CCL22: variants seen among roughly 807,000 people sequenced by gnomAD.
The protein encoded by CCL22 is C-C motif chemokine ligand 22, also known as C-C motif chemokine 22.
A neutral mutation model predicts 7.6 loss-of-function variants in CCL22; 7 were observed. The observed-to-expected ratio is 0.92, with a 90% CI of 0.52 to 1.72. CCL22 has a LOEUF of 1.72. Ranked by LOEUF, CCL22 falls within the 40% of genes most tolerant of loss-of-function variation. The pLI is 0.00. For missense variants in CCL22, 115 were observed against 124.7 expected (o/e 0.92, Z 0.37); for synonymous variants, 55 against 47.2 (o/e 1.17, Z -0.68).
Position 57,363,485 on chromosome 16 carries a change from TG to T in CCL22, c.198-15del. On this transcript the variant is annotated intron_variant, in intron 2 of 2. Coordinates refer to ENST00000219235, the MANE Select transcript of CCL22 (RefSeq NM_002990.5). ...CGTGCTAATGTTGCTGCATTGTCTC[TG>T]GGGTCTCCTTCTTCCAGGTTGCTAA... The T allele has an allele frequency of 6.4e-7, 1 of 1,572,214 alleles. No individual in the cohort carries two copies. The highest frequency in any genetic ancestry group is 8.8e-7 in the Non-Finnish European group (1 of 1,142,286).
Position 57,364,478 on chromosome 16 carries a change from CTT to C in CCL22, c.*906_*907del, listed in dbSNP as rs11405534. The C allele has an allele frequency of 1.0e-4, 14 of 133,346 alleles. No homozygotes were observed. The highest frequency in any genetic ancestry group is 1.6e-4 in the African/African-American group (6 of 36,818). 8.3% of individuals were successfully genotyped at this position (133,346 alleles called of 1,614,324 possible). A position where few individuals can be genotyped will look rare whatever the true frequency, so the allele number is the denominator to read the frequency against. On this transcript the variant is annotated 3_prime_UTR_variant, in exon 3 of 3. Coordinates refer to ENST00000219235, the MANE Select transcript of CCL22 (RefSeq NM_002990.5). ...AGATTCACCTTTCTTCCCCCACTCCCTTTTTTTTTTTTTTTTTGAGATGGAGT... is the reference window on the plus strand; with the variant it reads ...AGATTCACCTTTCTTCCCCCACTCCCTTTTTTTTTTTTTTTGAGATGGAGT...
Position 57,363,660 on chromosome 16 carries a change from A to T in CCL22, c.*72A>T. ...AGGAGCCCTACCTCCCTGCCATTAT[A>T]GCTGCTCCCCGCCAGAAGCCTGTGC... On this transcript the variant is annotated 3_prime_UTR_variant, in exon 3 of 3. Transcript: ENST00000219235. The T allele has an allele frequency of 1.1e-6, 1 of 912,722 alleles. No individual in the cohort carries two copies. Among genetic ancestry groups the T allele is most frequent in the Non-Finnish European group, 1.8e-6 (1 of 551,006 alleles). The allele number at this position is 912,722 out of a possible 1,614,324, so 56.5% of individuals were successfully genotyped here.
At chr16:57,363,258 G>C (rs967540361) in intron 2 of CCL22, among the ~76,000 whole-genome samples, 1 of 152,148 alleles carries the variant, frequency 6.6e-6, no homozygotes, top group Non-Finnish European at 1.5e-5. Flanking sequence ...GCCTCCCAAA[G>C]TGCTGGGATT....
chr16:57,358,779 C>G (rs1252998004), upstream of CCL22: 6 of 1,518,974 alleles, frequency 4.0e-6, no homozygotes, highest in Admixed American at 1.0e-4. Flanking sequence ...TCCTATGTCC[C>G]TTTGCAGACA....
At chr16:57,361,740 C>A (rs1902051947) in intron 2 of CCL22, among the ~76,000 whole-genome samples, 1 of 152,202 alleles carries the variant, frequency 6.6e-6, no homozygotes, top group South Asian at 2.1e-4. Flanking sequence ...CCTACCAAAT[C>A]TCACACCTGG....
upstream of CCL22, among the ~76,000 whole-genome samples, chr16:57,358,029 G>A (rs141477849): frequency 2.7e-3 from 409 of 152,336 alleles, no homozygotes; most frequent in Non-Finnish European, 5.0e-3. Context: ...ATGGCATTGA[G>A]GAGGCCAGCA....
intron 1 of CCL22, among the ~76,000 whole-genome samples, chr16:57,360,200 C>A (rs754130441): frequency 6.6e-6 from 1 of 152,202 alleles, no homozygotes; most frequent in African/African-American, 2.4e-5. Flanking sequence ...TGTTCTGAAT[C>A]CCCGCTCCTA....
chr16:57,361,569 G>A (rs1902050579), intron 2 of CCL22, among the ~76,000 whole-genome samples: 1 of 152,142 alleles, frequency 6.6e-6, no homozygotes, highest in Non-Finnish European at 1.5e-5. Context: ...CCTCGTTCAG[G>A]GCTTTCTCCT....
chr16:57,359,374 G>A (rs1027770027), intron 1 of CCL22, among the ~76,000 whole-genome samples: 8 of 152,006 alleles, frequency 5.3e-5, no homozygotes, highest in African/African-American at 1.7e-4. Flanking sequence ...GGAGTGCAGT[G>A]GGGCAATCTT....
intron 2 of CCL22, among the ~76,000 whole-genome samples, chr16:57,360,947 G>C (rs1185211910): frequency 1.3e-5 from 2 of 151,862 alleles, no homozygotes; most frequent in Non-Finnish European, 2.9e-5. Context: ...CAGCAAAGAT[G>C]CTCCCAGGTT....
Position 57,358,894 on chromosome 16 carries a change from G to A in CCL22, c.73+5G>A. ...CGCTTCAAGCAACTGAGGCAGGTGA[G>A]GCTGGGGAGCAGGAAGACCCCCTAC... On this transcript the variant is annotated splice_donor_5th_base_variant and intron_variant, in intron 1 of 2. Transcript: ENST00000219235. 6.2e-7 allele frequency: 1 copy of A among 1,612,296 alleles called. No individual in the cohort carries two copies. Among genetic ancestry groups the A allele is most frequent in the African/African-American group, 1.3e-5 (1 of 75,000 alleles).
chr16:57,362,155 T>C (rs1044146891), intron 2 of CCL22, among the ~76,000 whole-genome samples: 3 of 151,936 alleles, frequency 2.0e-5, no homozygotes, highest in Non-Finnish European at 4.4e-5. Flanking sequence ...CAGGGCACAG[T>C]AATAGTAAGA....
upstream of CCL22, chr16:57,358,690 G>T (rs73557184): frequency 3.8e-3 from 2,772 of 724,256 alleles, 47 homozygotes; most frequent in African/African-American, 0.043. Flanking sequence ...TGAATGTCAA[G>T]TGACTCTGGG....
At position 57,363,916 on chromosome 16, in the gene CCL22, G is replaced by T. The variant is rs1237019953; in HGVS notation, c.*328G>T. On this transcript the variant is annotated 3_prime_UTR_variant, in exon 3 of 3. Transcript: ENST00000219235. Reference sequence around the variant, plus strand: ...CCTGGCATGTGGCCCTCTGGATCTGGGTTCCATCTCTGTCTCCAGCCTGCC... The same window carrying T: ...CCTGGCATGTGGCCCTCTGGATCTGTGTTCCATCTCTGTCTCCAGCCTGCC... 1.6e-5 allele frequency: 4 copies of T among 253,108 alleles called. No individual in the cohort carries two copies. The East Asian group carries it at 3.2e-4, about 20-fold the overall frequency. The allele number at this position is 253,108 out of a possible 1,614,324, so 15.7% of individuals were successfully genotyped here.
At chr16:57,362,838 G>A (rs1239668139) in intron 2 of CCL22, among the ~76,000 whole-genome samples, 3 of 151,312 alleles carry the variant, frequency 2.0e-5, no homozygotes, top group Non-Finnish European at 4.4e-5. Flanking sequence ...TCCAGCCTGG[G>A]TGACAGAGAC....
Position 57,360,540 on chromosome 16 carries a change from C to T in CCL22, c.177C>T (p.Ser59=), listed in dbSNP as rs1428858093. 6.2e-7 allele frequency: 1 copy of T among 1,614,152 alleles called. No homozygotes were observed. The highest frequency in any genetic ancestry group is 8.5e-7 in the Non-Finnish European group (1 of 1,180,018). The change falls in exon 2 of 3, where the codon TCC becomes TCT. Residue 59 remains serine (S), a synonymous_variant. Coordinates refer to ENST00000219235, the MANE Select transcript of CCL22 (RefSeq NM_002990.5). ...AACACTTCTACTGGACCTCAGACTC[C>T]TGCCCGAGGCCTGGCGTGGTGTGAG... ...VVKHFYWTSD[S]CPRPGVVLLT...
At position 57,360,476 on chromosome 16, in the gene CCL22, G is replaced by C. The variant is rs201848347; in HGVS notation, c.113G>C (p.Arg38Pro). The C allele has an allele frequency of 6.2e-7, 1 of 1,614,100 alleles. No homozygotes were observed. Among genetic ancestry groups the C allele is most frequent in the Non-Finnish European group, 8.5e-7 (1 of 1,180,022 alleles). Residue 38 changes from arginine (R) to proline (P), a missense_variant, in exon 2 of 3, where the codon CGT (arginine) becomes CCT (proline). Physicochemically the swap from Arg to Pro is moderately radical, Grantham distance 103. Transcript: ENST00000219235. ...GANMEDSVCC[R>P]DYVRYRLPLR... ...AACATGGAAGACAGCGTCTGCTGCC[G>C]TGATTACGTCCGTTACCGTCTGCCC...
chr16:57,361,466 C>CGAG (rs2146497717), intron 2 of CCL22, among the ~76,000 whole-genome samples: 1 of 152,114 alleles, frequency 6.6e-6, no homozygotes, highest in Admixed American at 6.6e-5. Context: ...GGAAGTTCAA[C>CGAG]GATTCCCATG....
At chr16:57,358,506 G>T (rs545386910), upstream of CCL22, among the ~76,000 whole-genome samples, 145 of 152,336 alleles carry the variant, frequency 9.5e-4, 5 homozygotes, top group Admixed American at 2.7e-3. Flanking sequence ...CATGGCCAAG[G>T]CCACACAGTG....
Sources: gnomAD v4.1 joint callset for allele counts (sites outside exome capture counted in the v4.1 genomes callset) on GRCh38, gnomAD v4.1.1 for gene constraint, MANE v1.5 for transcripts, NCBI Gene and HGNC (gene_info 2026-07-23, HGNC 2026-07-21) for gene names.